CCIN: variants seen among roughly 807,000 people sequenced by gnomAD.
CCIN encodes the protein testis tissue sperm-binding protein Li 65n.
A neutral mutation model predicts 32.2 loss-of-function variants in CCIN; 15 were observed. That is an observed-to-expected ratio of 0.47 (90% confidence interval 0.31 to 0.72). The LOEUF is 0.72. CCIN is among the 30% of genes least tolerant of loss of function. The probability of loss-of-function intolerance (pLI) is 0.05; values close to 1 mark genes in which losing one functional copy is unlikely to be tolerated. For synonymous variants in CCIN, 302 were observed against 297.4 expected, an observed-to-expected ratio of 1.02 and a Z score of -0.16; for missense variants, 623 against 759.4, an observed-to-expected ratio of 0.82 and a Z score of 2.11.
At position 36,169,792 on chromosome 9, in the gene CCIN, C is replaced by A. The variant is rs1239173869; in HGVS notation, c.290C>A (p.Ser97Tyr). 1.2e-6 allele frequency: 2 copies of A among 1,614,062 alleles called. No individual in the cohort carries two copies. Among genetic ancestry groups the A allele is most frequent in the East Asian group, 4.5e-5 (2 of 44,882 alleles). Residue 97 changes from serine to tyrosine, a missense_variant, in exon 1 of 1, where the codon TCC becomes TAC. Physicochemically the swap from Ser to Tyr is moderately radical, Grantham distance 144. Coordinates refer to ENST00000335119, the MANE Select transcript of CCIN (RefSeq NM_005893.3). ...TTCTATAGCGGCAAGGTGGTGATCT[C>A]CGAGCAAAATGTGGAGGAGCTGCTT... ...DYFYSGKVVISEQNVEELLRG... is the reference protein window; with the variant it reads ...DYFYSGKVVIYEQNVEELLRG...
rs781659080 is a variant in CCIN at position 36,170,100 on chromosome 9, G to A, written c.598G>A (p.Ala200Thr). 29 of 1,614,056 alleles carry A rather than the reference G, an allele frequency of 1.8e-5. No homozygotes were observed. The highest frequency in any genetic ancestry group is 8.9e-5 in the East Asian group (4 of 44,894). The change falls in exon 1 of 1, where the codon GCA (alanine) becomes ACA (threonine). Residue 200 changes from alanine to threonine, a missense_variant. Physicochemically the swap from Ala to Thr is moderately conservative, Grantham distance 58. Coordinates refer to ENST00000335119, the MANE Select transcript of CCIN (RefSeq NM_005893.3). Reference protein sequence around the residue: ...HVLNEDQALSALINWVYFRKE... With the variant: ...HVLNEDQALSTLINWVYFRKE... ...GCTCAATGAAGACCAGGCGCTCAGC[G>A]CACTCATCAATTGGGTGTACTTCCG...
chr9:36,170,233 A>G lies in CCIN; in HGVS notation c.731A>G (p.Glu244Gly). The change falls in exon 1 of 1, where the codon GAG becomes GGG. Residue 244 changes from glutamate (E) to glycine (G), a missense_variant. By Grantham distance (98) the Glu-to-Gly change is moderately conservative. Transcript: ENST00000335119. ...GCCAGCAACAAGCTGGTGGGCATGG[A>G]GAACACCTCATCCCATACAACCCTG... ...VFASNKLVGM[E>G]NTSSHTTLIE... 7 of 1,614,146 alleles carry G rather than the reference A, an allele frequency of 4.3e-6. No individual in the cohort carries two copies. The highest frequency in any genetic ancestry group is 5.9e-6 in the Non-Finnish European group (7 of 1,180,016).
Position 36,170,595 on chromosome 9 carries a change from C to T in CCIN, c.1093C>T (p.Leu365Phe), listed in dbSNP as rs1222018560. 2 of 1,613,936 alleles carry T rather than the reference C, an allele frequency of 1.2e-6. No homozygotes were observed. The highest frequency in any genetic ancestry group is 1.3e-5 in the African/African-American group (1 of 74,950). ...WTKLPDLPIG[L>F]VFHTMVTCGG... is the part of the protein sequence containing the mutation. ...CAAGTTGCCTGACCTGCCCATCGGG[C>T]TTGTCTTCCACACCATGGTGACCTG... The change falls in exon 1 of 1, where the codon CTT (leucine) becomes TTT (phenylalanine). Residue 365 changes from leucine (L) to phenylalanine (F), a missense_variant. By Grantham distance (22) the Leu-to-Phe change is conservative. Coordinates refer to ENST00000335119, the MANE Select transcript of CCIN (RefSeq NM_005893.3).
chr9:36,171,331 G>A lies in CCIN; in HGVS notation c.*62G>A, dbSNP rs1826313454. 4 of 1,557,026 alleles carry A rather than the reference G, an allele frequency of 2.6e-6. No homozygotes were observed. In the Admixed American group the frequency reaches 7.7e-5, roughly 30 times the overall value. ...TTCACGATTTAATGAGAGAAAGAGA[G>A]GAAGATGGCCTGTTGTTTCCTTCTT... On this transcript the variant is annotated 3_prime_UTR_variant, in exon 1 of 1. Transcript: ENST00000335119.
rs1826309777 is a variant in CCIN, at chr9:36,171,086, T to A, written c.1584T>A (p.Phe528Leu). ...GCTCCATTGGAGACAGCAAGGTGTT[T>A]GTATGTGGGGGTGTCACCACTGCCA... ...AICSIGDSKV[F>L]VCGGVTTASD... The change falls in exon 1 of 1, where the codon TTT becomes TTA. Residue 528 changes from phenylalanine (F) to leucine (L), a missense_variant. By Grantham distance (22) the Phe-to-Leu change is conservative (BLOSUM62 0). Coordinates refer to ENST00000335119, the MANE Select transcript of CCIN (RefSeq NM_005893.3). The A allele has an allele frequency of 6.2e-7, 1 of 1,614,072 alleles. No homozygotes were observed. Among genetic ancestry groups the A allele is most frequent in the African/African-American group, 1.3e-5 (1 of 74,926 alleles).
chr9:36,170,532 A>G lies in CCIN; in HGVS notation c.1030A>G (p.Thr344Ala), dbSNP rs780083069. Residue 344 changes from threonine to alanine, a missense_variant, in exon 1 of 1, where the codon ACA (threonine) becomes GCA (alanine). Thr to Ala is a moderately conservative substitution (Grantham distance 58). Transcript: ENST00000335119. ...GTTEQISGLK[T>A]AWRYDMDDNS... ...CACTGAGCAGATTTCAGGGCTGAAGACAGCCTGGCGGTATGACATGGATGA... is the reference window on the plus strand; with the variant it reads ...CACTGAGCAGATTTCAGGGCTGAAGGCAGCCTGGCGGTATGACATGGATGA... The G allele has an allele frequency of 1.2e-6, 2 of 1,614,036 alleles. No homozygotes were observed. The highest frequency in any genetic ancestry group is 2.7e-5 in the African/African-American group (2 of 74,942).
chr9:36,169,741 T>C lies in CCIN; in HGVS notation c.239T>C (p.Val80Ala), dbSNP rs1403543860. Residue 80 changes from valine (V) to alanine (A), a missense_variant, in exon 1 of 1, where the codon GTC becomes GCC. Transcript: ENST00000335119. ...ATTGACACCAGTTACCTGAGCCCGGTCACAGTGGACCAGCTTCTGGACTAC... is the reference window on the plus strand; with the variant it reads ...ATTGACACCAGTTACCTGAGCCCGGCCACAGTGGACCAGCTTCTGGACTAC... The part of the protein sequence containing the change: ...ITIDTSYLSP[V>A]TVDQLLDYFY... The C allele has an allele frequency of 1.2e-6, 2 of 1,614,036 alleles. No homozygotes were observed. The highest frequency in any genetic ancestry group is 1.7e-6 in the Non-Finnish European group (2 of 1,180,036).
chr9:36,170,274 A>G lies in CCIN; in HGVS notation c.772A>G (p.Met258Val). The change falls in exon 1 of 1, where the codon ATG (methionine) becomes GTG (valine). Residue 258 changes from methionine (M) to valine (V), a missense_variant. By Grantham distance (21) the Met-to-Val change is conservative. Transcript: ENST00000335119. ...SHTTLIESVL[M>V]DRKQERPCSL... The stretch of plus-strand genomic sequence containing the variant: ...TACAACCCTGATTGAGAGTGTCCTG[A>G]TGGACCGCAAGCAGGAGCGGCCATG... 1 of 1,614,116 alleles carries G rather than the reference A, an allele frequency of 6.2e-7. No individual in the cohort carries two copies. Among genetic ancestry groups the G allele is most frequent in the African/African-American group, 1.3e-5 (1 of 75,052 alleles).
In CCIN at chr9:36,169,627, A is replaced by G. The variant is rs746986151; in HGVS notation, c.125A>G (p.His42Arg). The change falls in exon 1 of 1, where the codon CAT becomes CGT. Residue 42 changes from histidine (H) to arginine (R), a missense_variant. Physicochemically the swap from His to Arg is conservative, Grantham distance 29 (BLOSUM62 0). Coordinates refer to ENST00000335119, the MANE Select transcript of CCIN (RefSeq NM_005893.3). ...GTGGACAACCACGTCTTCTTTGCAC[A>G]TCGCAATGTGCTGGCTGCTGTCTCC... ...LSVDNHVFFAHRNVLAAVSPL... is the reference protein window; with the variant it reads ...LSVDNHVFFARRNVLAAVSPL... The G allele has an allele frequency of 4.3e-6, 7 of 1,614,080 alleles. No individual in the cohort carries two copies. The highest frequency in any genetic ancestry group is 4.0e-5 in the African/African-American group (3 of 74,932).
In CCIN at chr9:36,170,220, C is replaced by G. The variant is rs779661918; in HGVS notation, c.718C>G (p.Leu240Val). The change falls in exon 1 of 1, where the codon CTG becomes GTG. Residue 240 changes from leucine (L) to valine (V), a missense_variant. Physicochemically the swap from Leu to Val is conservative, Grantham distance 32 (BLOSUM62 1). Transcript: ENST00000335119. ...NKTLVFASNK[L>V]VGMENTSSHT... ...GACGCTGGTGTTTGCCAGCAACAAG[C>G]TGGTGGGCATGGAGAACACCTCATC... 1.9e-5 allele frequency: 31 copies of G among 1,614,172 alleles called. 1 individual carries two copies. The South Asian group carries it at 3.3e-4, about 17-fold the overall frequency.
rs772976897 is a variant in CCIN, at chr9:36,171,318, T to A, written c.*49T>A. 1 of 1,583,092 alleles carries A rather than the reference T, an allele frequency of 6.3e-7. No homozygotes were observed. The highest frequency in any genetic ancestry group is 2.2e-5 in the East Asian group (1 of 44,734). On this transcript the variant is annotated 3_prime_UTR_variant, in exon 1 of 1. Coordinates refer to ENST00000335119, the MANE Select transcript of CCIN (RefSeq NM_005893.3). The stretch of plus-strand genomic sequence containing the variant: ...AAATGCATTATTATTCACGATTTAA[T>A]GAGAGAAAGAGAGGAAGATGGCCTG...
In CCIN at chr9:36,170,023, GCTGTCCAC is replaced by G; in HGVS notation, c.526_533del (p.Pro176TyrfsTer8). 6.2e-7 allele frequency: 1 copy of G among 1,613,970 alleles called. No homozygotes were observed. The highest frequency in any genetic ancestry group is 2.2e-5 in the East Asian group (1 of 44,876). On this transcript the variant is annotated frameshift_variant, in exon 1 of 1. Transcript: ENST00000335119. LOFTEE classifies it high-confidence loss of function. ...CCTGAGGGCTCCATGCACTTCATGC[GCTGTCCAC>G]CTGTTATCTTTGGCCGCCTGCTCCG...
chr9:36,170,249 T>C lies in CCIN; in HGVS notation c.747T>C (p.His249=). Reference sequence around the variant, plus strand: ...TGGGCATGGAGAACACCTCATCCCATACAACCCTGATTGAGAGTGTCCTGA... The same window carrying C: ...TGGGCATGGAGAACACCTCATCCCACACAACCCTGATTGAGAGTGTCCTGA... ...KLVGMENTSS[H]TTLIESVLMD... Residue 249 remains histidine (H), a synonymous_variant, in exon 1 of 1, where the codon CAT becomes CAC. Coordinates refer to ENST00000335119, the MANE Select transcript of CCIN (RefSeq NM_005893.3). 1.2e-6 allele frequency: 2 copies of C among 1,614,150 alleles called. No individual in the cohort carries two copies. The highest frequency in any genetic ancestry group is 1.1e-5 in the South Asian group (1 of 91,078).
Position 36,169,605 on chromosome 9 carries a change from G to C in CCIN, c.103G>C (p.Asp35His). Residue 35 changes from aspartate to histidine, a missense_variant, in exon 1 of 1, where the codon GAC (aspartate) becomes CAC (histidine). Physicochemically the swap from Asp to His is moderately conservative, Grantham distance 81 (BLOSUM62 -1). Transcript: ENST00000335119. ...KEYWDMALSVDNHVFFAHRNV... is the reference protein window; with the variant it reads ...KEYWDMALSVHNHVFFAHRNV... ...GTACTGGGACATGGCCCTGAGTGTG[G>C]ACAACCACGTCTTCTTTGCACATCG... The C allele has an allele frequency of 6.2e-7, 1 of 1,614,224 alleles. No homozygotes were observed. The highest frequency in any genetic ancestry group is 8.5e-7 in the Non-Finnish European group (1 of 1,180,040).
chr9:36,170,346 G>A lies in CCIN; in HGVS notation c.844G>A (p.Val282Ile), dbSNP rs761025276. The change falls in exon 1 of 1, where the codon GTC becomes ATC. Residue 282 changes from valine to isoleucine, a missense_variant. By Grantham distance (29) the Val-to-Ile change is conservative. Transcript: ENST00000335119. Reference sequence around the variant, plus strand: ...GAAAGGGGCCCTGCTTGATTCCGTGGTCATCCTCGGTGGCCAGAAGGCCCA... The same window carrying A: ...GAAAGGGGCCCTGCTTGATTCCGTGATCATCCTCGGTGGCCAGAAGGCCCA... ...QRKGALLDSV[V>I]ILGGQKAHGQ... The A allele has an allele frequency of 1.9e-6, 3 of 1,614,180 alleles. No individual in the cohort carries two copies. In the South Asian group the frequency reaches 3.3e-5, roughly 18 times the overall value.
chr9:36,169,860 T>G lies in CCIN; in HGVS notation c.358T>G (p.Cys120Gly). The change falls in exon 1 of 1, where the codon TGT becomes GGT. Residue 120 changes from cysteine (C) to glycine (G), a missense_variant. Coordinates refer to ENST00000335119, the MANE Select transcript of CCIN (RefSeq NM_005893.3). Reference protein sequence around the residue: ...YFNTPRLRVHCNDFLIKSICR... With the variant: ...YFNTPRLRVHGNDFLIKSICR... The stretch of plus-strand genomic sequence containing the variant: ...CAACACACCACGCCTTCGAGTTCAC[T>G]GTAACGACTTCCTTATTAAGTCCAT... The G allele has an allele frequency of 6.2e-7, 1 of 1,614,168 alleles. No homozygotes were observed. Among genetic ancestry groups the G allele is most frequent in the Non-Finnish European group, 8.5e-7 (1 of 1,180,024 alleles).
In CCIN at chr9:36,169,799, A is replaced by G. The variant is rs1178391314; in HGVS notation, c.297A>G (p.Gln99=). Residue 99 remains glutamine (Q), a synonymous_variant, in exon 1 of 1, where the codon CAA becomes CAG. Transcript: ENST00000335119. ...GCGGCAAGGTGGTGATCTCCGAGCA[A>G]AATGTGGAGGAGCTGCTTCGTGGGG... ...FYSGKVVISE[Q]NVEELLRGAQ... 2 of 1,614,152 alleles carry G rather than the reference A, an allele frequency of 1.2e-6. No homozygotes were observed. The highest frequency in any genetic ancestry group is 1.7e-6 in the Non-Finnish European group (2 of 1,180,040).
In CCIN at chr9:36,171,133, A is replaced by ACT; in HGVS notation, c.1632_1633insTC (p.Thr545SerfsTer34). The ACT allele has an allele frequency of 1.2e-6, 2 of 1,614,192 alleles. No homozygotes were observed. The highest frequency in any genetic ancestry group is 1.7e-6 in the Non-Finnish European group (2 of 1,180,032). On this transcript the variant is annotated frameshift_variant, in exon 1 of 1. Transcript: ENST00000335119. LOFTEE classifies it high-confidence loss of function. ...GCCAGCGATGTCCAGACAAAGGACT[A>ACT]CACCATCAATCCAAATGCCTTCTTG...
At position 36,170,629 on chromosome 9, in the gene CCIN, C is replaced by G; in HGVS notation, c.1127C>G (p.Thr376Arg). 1 of 1,614,132 alleles carries G rather than the reference C, an allele frequency of 6.2e-7. No homozygotes were observed. Among genetic ancestry groups the G allele is most frequent in the Non-Finnish European group, 8.5e-7 (1 of 1,180,004 alleles). The change falls in exon 1 of 1, where the codon ACA becomes AGA. Residue 376 changes from threonine (T) to arginine (R), a missense_variant. Thr to Arg is a moderately conservative substitution (Grantham distance 71, BLOSUM62 -1). Transcript: ENST00000335119. ...CACACCATGGTGACCTGTGGGGGGA[C>G]AGTGTACTCAGTGGGCGGGAGCATT... is the stretch of plus-strand genomic sequence containing the variant. The part of the protein sequence containing the change: ...VFHTMVTCGG[T>R]VYSVGGSIAP...
Sources: allele counts gnomAD v4.1 joint callset, GRCh38; gene constraint gnomAD v4.1.1; transcripts MANE v1.5; gene names NCBI Gene and HGNC (gene_info 2026-07-23, HGNC 2026-07-21).